ZMYM6: variants seen among roughly 807,000 people sequenced by gnomAD.
ZMYM6 encodes zinc finger MYM-type protein 6.
ZMYM6 carries 90 observed loss-of-function variants against 134.0 expected under a neutral mutation model. The observed-to-expected ratio is 0.67, with a 90% confidence interval of 0.57 to 0.80. The LOEUF is 0.80. Ranked by LOEUF, ZMYM6 falls within the 30% of genes least tolerant of loss-of-function variation. The probability of loss-of-function intolerance (pLI) is 0.00; values close to 1 mark genes in which losing one functional copy is unlikely to be tolerated. For missense variants in ZMYM6, 1,362 were observed against 1,533.9 expected (o/e 0.89, Z 1.87); for synonymous variants, 481 against 524.1 (o/e 0.92, Z 1.12).
chr1:35,023,691 G>A (rs60645727), intron 2 of ZMYM6, among the ~76,000 whole-genome samples: 32,261 of 149,794 alleles, frequency 0.22, 8,264 homozygotes, highest in African/African-American at 0.61. Flanking sequence ...GGACGATCTC[G>A]GCTCACTACA....
intron 14 of ZMYM6, 60 bp downstream of exon 14, chr1:35,003,908 T>C: frequency 6.8e-7 from 1 of 1,459,906 alleles, no homozygotes; most frequent in African/African-American, 1.4e-5. Context: ...GAATGCCATA[T>C]CCAAAGTGAA....
intron 14 of ZMYM6, among the ~76,000 whole-genome samples, chr1:34,995,029 A>G (rs1557560707): frequency 9.2e-6 from 1 of 108,874 alleles, no homozygotes; most frequent in Non-Finnish European, 1.5e-5. Context: ...ATACGTATAT[A>G]TATGTAATAT....
rs546881831 is a variant in ZMYM6, at chr1:35,025,691, A to T, written c.93+4856T>A. On this transcript the variant is annotated intron_variant, in intron 2 of 15. Transcript: ENST00000357182. ...TTGAGAGCAGAAGTCCTATCTTTTC[A>T]TCTCTGTAGCCTTTCTGAAAACAAA... is the stretch of plus-strand genomic sequence containing the variant. Among the ~76,000 whole-genome samples the T allele has an allele frequency of 2.0e-5, 3 of 152,240 alleles. No homozygotes were observed. The South Asian group carries it at 6.2e-4, about 31-fold the overall frequency.
chr1:34,991,453 C>T (rs1316079974), intron 15 of ZMYM6, among the ~76,000 whole-genome samples: 1 of 151,966 alleles, frequency 6.6e-6, no homozygotes, highest in African/African-American at 2.4e-5. Context: ...ATAGTGTATT[C>T]TATGAAGTAA....
chr1:35,020,283 AAGAAAG>A, intron 3 of ZMYM6, 94 bp downstream of exon 3: 1 of 1,102,568 alleles, frequency 9.1e-7, no homozygotes, highest in Non-Finnish European at 1.3e-6. Context: ...CACAGCTCTA[AAGAAAG>A]AGAAAGACAT....
intron 4 of ZMYM6, among the ~76,000 whole-genome samples, chr1:35,016,050 C>T (rs1436555779): frequency 6.7e-6 from 1 of 149,980 alleles, no homozygotes; most frequent in African/African-American, 2.4e-5. Context: ...TGGGTTCAAG[C>T]GATCCTCCTG....
intron 6 of ZMYM6, chr1:35,013,267 C>G (rs1016403394): frequency 8.7e-6 from 7 of 803,062 alleles, no homozygotes; most frequent in Non-Finnish European, 1.1e-5. Context: ...TTTAAATTAA[C>G]AGATGAGCAG....
rs1040809921 is a variant in ZMYM6, at chr1:35,012,774, A to G, written c.796-193T>C. 6 of 985,248 alleles carry G rather than the reference A, an allele frequency of 6.1e-6. No individual in the cohort carries two copies. In the East Asian group the frequency reaches 6.8e-4, roughly 112 times the overall value. The allele number at this position is 985,248 out of a possible 1,614,324, so 61.0% of individuals were successfully genotyped here. A position where few individuals can be genotyped will look rare whatever the true frequency, so the allele number is the denominator to read the frequency against. On this transcript the variant is annotated intron_variant, in intron 6 of 15. Transcript: ENST00000357182. ...AACAATAAAATAGAAACTGAAGAAAATTAGTAACTATTCAGATAGAGATCT... is the reference window on the plus strand; with the variant it reads ...AACAATAAAATAGAAACTGAAGAAAGTTAGTAACTATTCAGATAGAGATCT...
At chr1:35,004,045 T>C in intron 13 of ZMYM6, 40 bp from the exon 14 acceptor site, 2 of 1,542,982 alleles carry the variant, frequency 1.3e-6, no homozygotes, top group Admixed American at 1.7e-5. Context: ...CCTTAGAATA[T>C]ACAGAAGTAA....
At position 35,031,129 on chromosome 1, in the gene ZMYM6, G is replaced by A. The variant is rs780757896; in HGVS notation, c.-74-416C>T. On this transcript the variant is annotated intron_variant, in intron 1 of 15. Coordinates refer to ENST00000357182, the MANE Select transcript of ZMYM6 (RefSeq NM_007167.4). ...CAAAGAGGGGCACAACAACCTCCCG[G>A]CCCTGACCTATAACTCAACCTTCAC... The A allele has an allele frequency of 5.8e-5, 9 of 154,074 alleles. No individual in the cohort carries two copies. The South Asian group carries it at 1.8e-3, about 31-fold the overall frequency. The allele number at this position is 154,074 out of a possible 1,614,324, so 9.5% of individuals were successfully genotyped here. A position where few individuals can be genotyped will look rare whatever the true frequency, so the allele number is the denominator to read the frequency against.
chr1:35,005,629 C>CAAAAAAAA (rs1182722333), intron 12 of ZMYM6, among the ~76,000 whole-genome samples: 8 of 59,260 alleles, frequency 1.3e-4, no homozygotes, highest in Non-Finnish European at 2.1e-4. Context: ...AACCTAGTCT[C>CAAAAAAAA]AAAAAAAAAA....
intron 4 of ZMYM6, chr1:35,017,444 T>C (rs1226606163): frequency 3.3e-5 from 5 of 152,156 alleles, no homozygotes; most frequent in African/African-American, 7.2e-5. Flanking sequence ...AGTACAAAAA[T>C]AGCAAGTAAA....
At chr1:35,004,603 C>T (rs1004945255) in intron 13 of ZMYM6, among the ~76,000 whole-genome samples, 3 of 150,286 alleles carry the variant, frequency 2.0e-5, no homozygotes, top group Non-Finnish European at 3.0e-5. Context: ...AGTAAGACTC[C>T]GTCTCAAAAA....
chr1:35,023,778 T>G (rs56998560), intron 2 of ZMYM6, among the ~76,000 whole-genome samples: 1 of 151,528 alleles, frequency 6.6e-6, no homozygotes, highest in Non-Finnish European at 1.5e-5. Flanking sequence ...CCCACCACCA[T>G]GCCTGGCTAA....
intron 10 of ZMYM6, among the ~76,000 whole-genome samples, chr1:35,009,507 T>C (rs914644512): frequency 6.6e-6 from 1 of 152,238 alleles, no homozygotes; most frequent in African/African-American, 2.4e-5. Flanking sequence ...TTTAAGTTCC[T>C]CTTCGCAAAT....
In ZMYM6 at chr1:35,020,471, TAA is replaced by T. The variant is rs11476047; in HGVS notation, c.94-6_94-5del. The T allele has an allele frequency of 1.3e-4, 161 of 1,245,930 alleles. No homozygotes were observed. The highest frequency in any genetic ancestry group is 6.9e-4 in the African/African-American group (46 of 66,492). 77.2% of individuals were successfully genotyped at this position (1,245,930 alleles called of 1,614,324 possible). A position where few individuals can be genotyped will look rare whatever the true frequency, so the allele number is the denominator to read the frequency against. On this transcript the variant is annotated splice_region_variant and splice_polypyrimidine_tract_variant and intron_variant, in intron 2 of 15. Transcript: ENST00000357182. ...GCTGTTGGACACATCCATACTCCTT[TAA>T]AAAAAAAAAGAAAAGAGAAAAGAGC...
rs1057022325 is a variant in ZMYM6, at chr1:35,005,014, C to T, written c.1954+118G>A. The T allele has an allele frequency of 1.1e-4, 128 of 1,205,418 alleles. 2 individuals are homozygous for T. In the South Asian group the frequency reaches 1.3e-3, roughly 12 times the overall value. 74.7% of individuals were successfully genotyped at this position (1,205,418 alleles called of 1,614,324 possible). On this transcript the variant is annotated intron_variant, in intron 13 of 15. Transcript: ENST00000357182. Reference sequence around the variant, plus strand: ...CGGTGGTTGCAGTGAGTTGAGATCACGCCATTGCACTCCAGCCTGGGCAAC... The same window carrying T: ...CGGTGGTTGCAGTGAGTTGAGATCATGCCATTGCACTCCAGCCTGGGCAAC...
At chr1:35,020,715 G>A (rs748717625) in intron 2 of ZMYM6, among the ~76,000 whole-genome samples, 68 of 151,862 alleles carry the variant, frequency 4.5e-4, no homozygotes, top group East Asian at 1.8e-3. Context: ...TGGGACTACA[G>A]GTATGTGCTA....
At chr1:35,009,512 G>T (rs968796190) in intron 10 of ZMYM6, among the ~76,000 whole-genome samples, 1 of 152,140 alleles carries the variant, frequency 6.6e-6, no homozygotes, top group East Asian at 1.9e-4. Context: ...GTTCCTCTTC[G>T]CAAATGAGTG....
Sources: gnomAD v4.1 joint callset for allele counts (sites outside exome capture counted in the v4.1 genomes callset) on GRCh38, gnomAD v4.1.1 for gene constraint, MANE v1.5 for transcripts, NCBI Gene and HGNC (gene_info 2026-07-23, HGNC 2026-07-21) for gene names.